Variants in ARL6 observed in about 807,000 individuals in gnomAD.
The protein encoded by ARL6 is ARF like GTPase 6.
In ARL6, 18 loss-of-function variants were observed where a neutral mutation model predicts 27.1. That is an observed-to-expected ratio of 0.66 (90% CI 0.46 to 0.98). The LOEUF (loss-of-function observed/expected upper bound fraction) is 0.98. Ranked by LOEUF, ARL6 falls within the 50% of genes least tolerant of loss-of-function variation. The probability of loss-of-function intolerance (pLI) is 0.00; values close to 1 mark genes in which losing one functional copy is unlikely to be tolerated. For synonymous variants in ARL6, 65 were observed against 72.3 expected (o/e 0.90, Z 0.51); for missense variants, 187 against 214.9 (o/e 0.87, Z 0.81).
chr3:97,782,669 T>C (rs1440106340), intron 4 of ARL6, among the ~76,000 whole-genome samples: 1 of 151,772 alleles, frequency 6.6e-6, no homozygotes, highest in Non-Finnish European at 1.5e-5. Flanking sequence ...CCAGCAAGCA[T>C]TTTTACTTTT....
chr3:97,767,660 T>A (rs960672221), intron 1 of ARL6, among the ~76,000 whole-genome samples: 8 of 152,184 alleles, frequency 5.3e-5, no homozygotes, highest in Non-Finnish European at 1.2e-4. Flanking sequence ...GCTTTTCAGA[T>A]CTGCCTTCTA....
At chr3:97,772,436 CT>C (rs1409496284) in intron 2 of ARL6, among the ~76,000 whole-genome samples, 1 of 151,194 alleles carries the variant, frequency 6.6e-6, no homozygotes, top group Non-Finnish European at 1.5e-5. Context: ...CTAATGTCTT[CT>C]CAATTTTATA....
intron 6 of ARL6, among the ~76,000 whole-genome samples, chr3:97,788,457 C>T (rs1392789063): frequency 6.6e-6 from 1 of 152,056 alleles, no homozygotes; most frequent in East Asian, 1.9e-4. Context: ...CACTTGTATC[C>T]CCCTCCTTTG....
Position 97,780,813 on chromosome 3 carries a change from T to A in ARL6, c.254+130T>A, listed in dbSNP as rs913229053. 2.0e-5 allele frequency: 14 copies of A among 716,890 alleles called. No homozygotes were observed. In the East Asian group the frequency reaches 2.4e-4, roughly 12 times the overall value. The allele number at this position is 716,890 out of a possible 1,614,324, so 44.4% of individuals were successfully genotyped here. ...TGTAATTTATGAACATTTCCTATTT[T>A]AAAAAATATGTAATGAGACTCAACA... On this transcript the variant is annotated intron_variant, in intron 4 of 7. Coordinates refer to ENST00000463745, the MANE Select transcript of ARL6 (RefSeq NM_001278293.3).
At chr3:97,765,224 G>A (rs1436367058) in intron 1 of ARL6, among the ~76,000 whole-genome samples, 3 of 128,014 alleles carry the variant, frequency 2.3e-5, no homozygotes, top group Non-Finnish European at 5.7e-5. Context: ...GTGTGTGTGT[G>A]TGTGTGTGTG....
At chr3:97,783,354 A>G (rs1255110843) in intron 4 of ARL6, among the ~76,000 whole-genome samples, 2 of 151,824 alleles carry the variant, frequency 1.3e-5, no homozygotes, top group Admixed American at 6.6e-5. Flanking sequence ...GTAAGGGTAA[A>G]TCAGGAAAAA....
intron 2 of ARL6, among the ~76,000 whole-genome samples, chr3:97,774,645 C>A (rs2036807279): frequency 6.6e-6 from 1 of 152,118 alleles, no homozygotes; most frequent in Non-Finnish European, 1.5e-5. Flanking sequence ...GAGTCCCATT[C>A]TTTTCCAATC....
At chr3:97,770,177 A>G (rs2036572796) in intron 2 of ARL6, among the ~76,000 whole-genome samples, 1 of 152,056 alleles carries the variant, frequency 6.6e-6, no homozygotes, top group Admixed American at 6.6e-5. Flanking sequence ...CCCCTTTTCT[A>G]CATCTTCACC....
At chr3:97,785,685 A>T (rs2108057608) in intron 5 of ARL6, among the ~76,000 whole-genome samples, 1 of 152,226 alleles carries the variant, frequency 6.6e-6, no homozygotes, top group Middle Eastern at 3.4e-3. Context: ...AATGATGCCT[A>T]ATATGGTTTA....
intron 2 of ARL6, among the ~76,000 whole-genome samples, chr3:97,771,621 A>ATTCAG (rs2107993995): frequency 6.7e-6 from 1 of 148,690 alleles, no homozygotes; most frequent in East Asian, 1.9e-4. Context: ...GTTTTTCTCC[A>ATTCAG]TTCAGTATAT....
chr3:97,766,479 A>G (rs1481641879), intron 1 of ARL6, among the ~76,000 whole-genome samples: 3 of 152,234 alleles, frequency 2.0e-5, no homozygotes, highest in Non-Finnish European at 2.9e-5. Context: ...CCTTGGGGAA[A>G]GACAAACGTG....
intron 2 of ARL6, among the ~76,000 whole-genome samples, chr3:97,774,283 G>GC (rs914510959): frequency 6.6e-6 from 1 of 151,980 alleles, no homozygotes; most frequent in African/African-American, 2.4e-5. Context: ...TACCTCTGGG[G>GC]CCCCCCCAGG....
At chr3:97,770,281 A>T (rs1307379991) in intron 2 of ARL6, among the ~76,000 whole-genome samples, 1 of 152,058 alleles carries the variant, frequency 6.6e-6, no homozygotes, top group Admixed American at 6.6e-5. Flanking sequence ...TTTCCTGATG[A>T]ATAATGATGA....
At chr3:97,791,673 T>C in intron 6 of ARL6, 98 bp from the exon 7 acceptor site, 1 of 1,051,350 alleles carries the variant, frequency 9.5e-7, no homozygotes, top group South Asian at 1.3e-5. Context: ...TATGTTGTTA[T>C]AATGTGTTAA....
intron 7 of ARL6, among the ~76,000 whole-genome samples, chr3:97,794,785 A>G (rs1262250354): frequency 2.0e-5 from 3 of 152,094 alleles, no homozygotes; most frequent in Non-Finnish European, 2.9e-5. Flanking sequence ...TAATATTATT[A>G]TTTAAAATTT....
chr3:97,774,118 G>A (rs1027893689), intron 2 of ARL6, among the ~76,000 whole-genome samples: 2 of 152,076 alleles, frequency 1.3e-5, no homozygotes, highest in African/African-American at 4.8e-5. Context: ...TGATAGTCCC[G>A]GATAGTCACC....
intron 2 of ARL6, among the ~76,000 whole-genome samples, chr3:97,779,925 C>G (rs1026485197): frequency 6.6e-6 from 1 of 151,682 alleles, no homozygotes; most frequent in African/African-American, 2.4e-5. Context: ...TCCTTGGTAG[C>G]ATGCCACAAG....
At chr3:97,785,200 T>C (rs931549716) in intron 5 of ARL6, 151 bp downstream of exon 5, 51 of 587,082 alleles carry the variant, frequency 8.7e-5, no homozygotes, top group Non-Finnish European at 1.3e-4. Flanking sequence ...TTATATTTTA[T>C]GTACATCACC....
chr3:97,796,052 AAAGG>A (rs2037984404), intron 7 of ARL6, among the ~76,000 whole-genome samples: 1 of 152,154 alleles, frequency 6.6e-6, no homozygotes, highest in African/African-American at 2.4e-5. Flanking sequence ...AGACGTACTA[AAAGG>A]AAGACCATAT....
Sources: allele counts gnomAD v4.1 joint callset (sites outside exome capture counted in the v4.1 genomes callset), GRCh38; gene constraint gnomAD v4.1.1; transcripts MANE v1.5; gene names NCBI Gene and HGNC (gene_info 2026-07-23, HGNC 2026-07-21).